VWA3B: variants seen among roughly 807,000 people sequenced by gnomAD.
VWA3B encodes the protein von Willebrand factor A domain containing 3B, also known as von Willebrand factor A domain-containing protein 3B.
In VWA3B, 138 loss-of-function variants were observed where a neutral mutation model predicts 158.3. The ratio of observed to expected loss-of-function variants is 0.87; its 90% CI spans 0.76 to 1.00. The LOEUF (loss-of-function observed/expected upper bound fraction) is 1.00. Ranked by LOEUF, VWA3B falls within the 50% of genes least tolerant of loss-of-function variation. The pLI, the probability that VWA3B is intolerant of heterozygous loss-of-function variation, is 0.00. For synonymous variants in VWA3B, 596 were observed against 587.3 expected, an observed-to-expected ratio of 1.01 and a Z score of -0.21; for missense variants, 1,555 against 1,565.1, an observed-to-expected ratio of 0.99 and a Z score of 0.11.
chr2:98,088,445 C>T (rs2104784749), intron 1 of VWA3B, among the ~76,000 whole-genome samples: 1 of 152,308 alleles, frequency 6.6e-6, no homozygotes. Context: ...GGCCCTTGTA[C>T]AGTTGCCAGC....
the VWA3B span, among the ~76,000 whole-genome samples, chr2:98,323,196 GAA>G: frequency 6.6e-6 from 1 of 152,096 alleles, no homozygotes; most frequent in Admixed American, 6.6e-5. Flanking sequence ...TACTATAAAA[GAA>G]AGAGTATCAA....
At chr2:98,296,553 T>C (rs564612010) in intron 23 of VWA3B, among the ~76,000 whole-genome samples, 10 of 152,328 alleles carry the variant, frequency 6.6e-5, no homozygotes, top group African/African-American at 2.4e-4. Flanking sequence ...ACAAGACACA[T>C]GGATCAAGAT....
At position 98,303,714 on chromosome 2, in the gene VWA3B, C is replaced by T. The variant is rs199943389; in HGVS notation, c.3433C>T (p.Arg1145Trp). 202 of 1,613,966 alleles carry T rather than the reference C, an allele frequency of 1.3e-4. No homozygotes were observed. The highest frequency in any genetic ancestry group is 4.9e-4 in the Middle Eastern group (3 of 6,084). ...KCNNRREFCP[R>W]SALIKISQNK... ...GGTATTATTACAGGAATTTTGCCCTCGGAGTGCACTTATTAAGATCAGCCA... is the reference window on the plus strand; with the variant it reads ...GGTATTATTACAGGAATTTTGCCCTTGGAGTGCACTTATTAAGATCAGCCA... The change falls in exon 26 of 28, where the codon CGG becomes TGG. Residue 1145 changes from arginine (R) to tryptophan (W), a missense_variant. Arg to Trp is a moderately radical substitution (Grantham distance 101). Transcript: ENST00000477737.
At position 98,125,812 on chromosome 2, in the gene VWA3B, T is replaced by C. The variant is rs113990609; in HGVS notation, c.703-2427T>C. On this transcript the variant is annotated intron_variant, in intron 5 of 27. Transcript: ENST00000477737. This position sits in a 1 kb window ranked among gnomAD's most constrained non-coding sequence, Gnocchi z 4.1. ...CCCAGTAGCTGGGACTACAGGCGCC[T>C]GCCACCACATCCGGCTAATTTTTCT... Among the ~76,000 whole-genome samples the C allele has an allele frequency of 0.13, 20,226 of 152,122 alleles. 1,731 individuals carry two copies. The highest frequency in any genetic ancestry group is 0.19 in the Non-Finnish European group (13,207 of 67,962).
Position 98,121,386 on chromosome 2 carries a change from A to C in VWA3B, c.630A>C (p.Lys210Asn). The change falls in exon 5 of 28, where the codon AAA becomes AAC. Residue 210 changes from lysine (K) to asparagine (N), a missense_variant. Lys to Asn is a moderately conservative substitution (Grantham distance 94). Transcript: ENST00000477737. ...SIATAISWVEKLTVELTVSEA... is the reference protein window; with the variant it reads ...SIATAISWVENLTVELTVSEA... ...CTACTGCCATCAGTTGGGTTGAGAA[A>C]CTGACGGTTGAGCTGACTGTGAGCG... The C allele has an allele frequency of 2.5e-6, 4 of 1,614,154 alleles. No individual in the cohort carries two copies. The highest frequency in any genetic ancestry group is 2.5e-6 in the Non-Finnish European group (3 of 1,180,026).
Position 98,135,325 on chromosome 2 carries a change from C to CTT in VWA3B, c.988+1413_988+1414dup, listed in dbSNP as rs397873615. Among the ~76,000 whole-genome samples the CTT allele has an allele frequency of 1.2e-3, 119 of 96,414 alleles. 6 individuals are homozygous for CTT. Among genetic ancestry groups the CTT allele is most frequent in the Non-Finnish European group, 1.6e-3 (83 of 50,588 alleles). The allele number at this position is 96,414 out of a possible 152,430, so 63.3% of individuals were successfully genotyped here. On this transcript the variant is annotated intron_variant, in intron 7 of 27. Coordinates refer to ENST00000477737, the MANE Select transcript of VWA3B (RefSeq NM_144992.5). ...GCAAATTACATACAAAAACATTTTT[C>CTT]TTTTTTTTTTTTTTTTTTTTTTTTT...
intron 23 of VWA3B, among the ~76,000 whole-genome samples, chr2:98,292,957 C>T (rs990918972): frequency 6.6e-6 from 1 of 151,508 alleles, no homozygotes; most frequent in African/African-American, 2.4e-5. Context: ...GAGTGAGACT[C>T]TATCTCCAAA....
chr2:98,196,670 C>T (rs1682075319), intron 12 of VWA3B, among the ~76,000 whole-genome samples: 1 of 152,166 alleles, frequency 6.6e-6, no homozygotes, highest in African/African-American at 2.4e-5. Context: ...TCCCCGGGCT[C>T]TCTCTGTCTG....
intron 21 of VWA3B, among the ~76,000 whole-genome samples, chr2:98,266,259 A>G (rs988169995): frequency 2.0e-5 from 3 of 152,090 alleles, no homozygotes; most frequent in South Asian, 2.1e-4. Flanking sequence ...AGCTTTCTAC[A>G]TATGGCTTAG....
At chr2:98,285,781 A>T (rs1689134556) in intron 22 of VWA3B, among the ~76,000 whole-genome samples, 3 of 152,062 alleles carry the variant, frequency 2.0e-5, no homozygotes, top group Admixed American at 2.0e-4. Flanking sequence ...TTTCTGCAAC[A>T]ACAACAAAAA....
chr2:98,182,352 A>C (rs1302333812), intron 9 of VWA3B, among the ~76,000 whole-genome samples: 1 of 152,222 alleles, frequency 6.6e-6, no homozygotes, highest in Non-Finnish European at 1.5e-5. Context: ...TGGAAAGGGC[A>C]CTGTCCGTCG....
In VWA3B at chr2:98,093,277, C is replaced by T; in HGVS notation, c.185C>T (p.Pro62Leu). 1 of 1,614,014 alleles carries T rather than the reference C, an allele frequency of 6.2e-7. No individual in the cohort carries two copies. Among genetic ancestry groups the T allele is most frequent in the Non-Finnish European group, 8.5e-7 (1 of 1,179,938 alleles). ...LKQILSQIGF[P>L]HCEDYVASLG... ...CAGATTTTGTCACAGATCGGATTCCCACATTGTGAAGGTACAGTACTCACA... is the reference window on the plus strand; with the variant it reads ...CAGATTTTGTCACAGATCGGATTCCTACATTGTGAAGGTACAGTACTCACA... Residue 62 changes from proline to leucine, a missense_variant, in exon 2 of 28, where the codon CCA becomes CTA. Coordinates refer to ENST00000477737, the MANE Select transcript of VWA3B (RefSeq NM_144992.5).
intron 22 of VWA3B, among the ~76,000 whole-genome samples, chr2:98,273,796 C>T (rs1688354357): frequency 6.6e-6 from 1 of 152,152 alleles, no homozygotes; most frequent in East Asian, 1.9e-4. Flanking sequence ...TGCTGCATAA[C>T]AGCAGAATTT....
chr2:98,103,632 G>T (rs1683236301), intron 2 of VWA3B, among the ~76,000 whole-genome samples: 1 of 152,122 alleles, frequency 6.6e-6, no homozygotes, highest in Admixed American at 6.5e-5. Context: ...TGAGGTCAGA[G>T]AATATAGTCT....
intron 9 of VWA3B, among the ~76,000 whole-genome samples, chr2:98,184,928 T>C (rs1208099688): frequency 6.6e-6 from 1 of 152,210 alleles, no homozygotes; most frequent in Non-Finnish European, 1.5e-5. Flanking sequence ...TCCTCGAAGA[T>C]TATGGGGCTT....
chr2:98,297,508 A>G (rs1204003083), intron 23 of VWA3B, among the ~76,000 whole-genome samples: 1 of 152,252 alleles, frequency 6.6e-6, no homozygotes, highest in Non-Finnish European at 1.5e-5. Context: ...CAATTTAATT[A>G]ACAACATGTA....
chr2:98,276,553 G>A (rs1192918925), intron 22 of VWA3B, among the ~76,000 whole-genome samples: 1 of 152,232 alleles, frequency 6.6e-6, no homozygotes, highest in East Asian at 1.9e-4. Context: ...GCAAAATGGG[G>A]ATGAGACCAT....
intron 14 of VWA3B, among the ~76,000 whole-genome samples, chr2:98,225,732 C>T (rs1009803989): frequency 2.0e-5 from 3 of 149,302 alleles, no homozygotes; most frequent in Admixed American, 1.3e-4. Context: ...GGAACTTTTA[C>T]GAGATTTCAG....
At chr2:98,129,302 G>T (rs1343605026) in intron 6 of VWA3B, among the ~76,000 whole-genome samples, 1 of 149,928 alleles carries the variant, frequency 6.7e-6, no homozygotes, top group Non-Finnish European at 1.5e-5. Flanking sequence ...AGAGAGAGAG[G>T]AGAGAGACAT....
Sources: allele counts gnomAD v4.1 joint callset (sites outside exome capture counted in the v4.1 genomes callset), GRCh38; gene constraint gnomAD v4.1.1; non-coding constraint Gnocchi (gnomAD v3.1); transcripts MANE v1.5; gene names NCBI Gene and HGNC (gene_info 2026-07-23, HGNC 2026-07-21).